Variants in SLC41A2 observed in about 807,000 individuals in gnomAD.
SLC41A2 encodes the protein solute carrier family 41 member 2.
A neutral mutation model predicts 58.3 loss-of-function variants in SLC41A2; 32 were observed. The ratio of observed to expected loss-of-function variants is 0.55; its 90% CI spans 0.41 to 0.74. SLC41A2 has a LOEUF of 0.74. SLC41A2 is among the 30% of genes least tolerant of loss of function. SLC41A2 has a pLI of 0.00. For missense variants in SLC41A2, 514 were observed against 680.6 expected, an observed-to-expected ratio of 0.76 and a Z score of 2.72; for synonymous variants, 190 against 235.0, an observed-to-expected ratio of 0.81 and a Z score of 1.75.
At position 104,881,303 on chromosome 12, in the gene SLC41A2, T is replaced by C. The variant is rs148705426; in HGVS notation, c.1027+4990A>G. Among the ~76,000 whole-genome samples the C allele has an allele frequency of 2.6e-5, 4 of 152,254 alleles. No individual in the cohort carries two copies. The East Asian group carries it at 7.7e-4, about 29-fold the overall frequency. On this transcript the variant is annotated intron_variant, in intron 6 of 10. Transcript: ENST00000258538. ...ATTGATTTTTTGAAGGGTTCTTTTG[T>C]GTCTCTATCTCCTTCAGTTCTGCTC...
At chr12:104,889,652 T>C (rs185557194) in intron 4 of SLC41A2, among the ~76,000 whole-genome samples, 44 of 152,338 alleles carry the variant, frequency 2.9e-4, no homozygotes, top group Non-Finnish European at 4.7e-4. Flanking sequence ...GATTCTACTA[T>C]GTATAATGTG....
intron 10 of SLC41A2, among the ~76,000 whole-genome samples, chr12:104,826,087 G>T (rs1260635723): frequency 1.3e-5 from 2 of 152,128 alleles, no homozygotes; most frequent in East Asian, 3.9e-4. Flanking sequence ...AGAGGGAAGG[G>T]AAATGAGGGA....
chr12:104,836,433 G>A (rs958023045), intron 10 of SLC41A2, among the ~76,000 whole-genome samples: 13 of 152,166 alleles, frequency 8.5e-5, no homozygotes, highest in African/African-American at 3.1e-4. Context: ...TTCCAAGAGG[G>A]GAACTGTTAG....
chr12:104,909,731 ACTT>A lies in SLC41A2; in HGVS notation c.584_586del (p.Glu195del), dbSNP rs1268461743. Reference sequence around the variant, plus strand: ...AAGAAGTGCAGGGACTAAAATGAAAACTTCTGTAACTTTTCTGAACACCTCCCA... The same window carrying A: ...AAGAAGTGCAGGGACTAAAATGAAAACTGTAACTTTTCTGAACACCTCCCA... On this transcript the variant is annotated inframe_deletion, in exon 3 of 11. Transcript: ENST00000258538. 1.2e-6 allele frequency: 2 copies of A among 1,609,042 alleles called. No homozygotes were observed. Among genetic ancestry groups the A allele is most frequent in the Admixed American group, 1.7e-5 (1 of 58,560 alleles).
chr12:104,826,613 T>C (rs1169287960), intron 10 of SLC41A2, among the ~76,000 whole-genome samples: 1 of 152,082 alleles, frequency 6.6e-6, no homozygotes, highest in African/African-American at 2.4e-5. Flanking sequence ...AAATCATCAC[T>C]CTAAACAAGC....
intron 10 of SLC41A2, among the ~76,000 whole-genome samples, chr12:104,835,339 T>C (rs1037428280): frequency 3.3e-5 from 5 of 152,204 alleles, no homozygotes; most frequent in Admixed American, 1.3e-4. Flanking sequence ...CACCACTCTA[T>C]AGAATAAACT....
At position 104,922,312 on chromosome 12, in the gene SLC41A2, A is replaced by C. The variant is rs557671078; in HGVS notation, c.555+5661T>G. The stretch of plus-strand genomic sequence containing the variant: ...AAAGACACACCTAGACTGGAGGTGA[A>C]GCAGTAGAAAAATATATTCCATGCA... On this transcript the variant is annotated intron_variant, in intron 2 of 10. Coordinates refer to ENST00000258538, the MANE Select transcript of SLC41A2 (RefSeq NM_001352171.3). Among the ~76,000 whole-genome samples, 50 of 152,340 alleles carry C rather than the reference A, an allele frequency of 3.3e-4. 1 individual carries two copies. In the South Asian group the frequency reaches 9.9e-3, roughly 30 times the overall value.
intron 8 of SLC41A2, among the ~76,000 whole-genome samples, chr12:104,853,918 T>TTA (rs2042912902): frequency 7.5e-6 from 1 of 133,052 alleles, no homozygotes; most frequent in Non-Finnish European, 1.6e-5. Flanking sequence ...CTGATTTTTT[T>TTA]TTTTTTTTTT....
chr12:104,840,154 A>C (rs2042360238), intron 10 of SLC41A2, among the ~76,000 whole-genome samples: 2 of 152,220 alleles, frequency 1.3e-5, no homozygotes, highest in African/African-American at 2.4e-5. Context: ...TTACATCTTA[A>C]AAGGAAGGCC....
chr12:104,891,092 T>C lies in SLC41A2; in HGVS notation c.736-1915A>G, dbSNP rs942597479. Reference sequence around the variant, plus strand: ...CTCCCCCAACCATTACCCCCACCGCTCCATCTTCTTTTCTTCTCACTTTTG... The same window carrying C: ...CTCCCCCAACCATTACCCCCACCGCCCCATCTTCTTTTCTTCTCACTTTTG... On this transcript the variant is annotated intron_variant, in intron 4 of 10. Coordinates refer to ENST00000258538, the MANE Select transcript of SLC41A2 (RefSeq NM_001352171.3). Among the ~76,000 whole-genome samples the C allele has an allele frequency of 6.6e-5, 10 of 152,240 alleles. No individual in the cohort carries two copies. In the East Asian group the frequency reaches 1.9e-3, roughly 29 times the overall value.
chr12:104,923,312 T>C (rs1185045215), intron 2 of SLC41A2, among the ~76,000 whole-genome samples: 1 of 144,222 alleles, frequency 6.9e-6, no homozygotes, highest in African/African-American at 2.6e-5. Context: ...AAGTGAGCCG[T>C]GATCGTGCCA....
At chr12:104,900,499 T>C (rs1333337345) in intron 3 of SLC41A2, among the ~76,000 whole-genome samples, 1 of 152,194 alleles carries the variant, frequency 6.6e-6, no homozygotes, top group East Asian at 1.9e-4. Context: ...AATTGTAGAC[T>C]TTGAAGTTGC....
chr12:104,834,874 G>T (rs1488629207), intron 10 of SLC41A2, among the ~76,000 whole-genome samples: 1 of 152,132 alleles, frequency 6.6e-6, no homozygotes, highest in African/African-American at 2.4e-5. Context: ...GTTATCCTGG[G>T]ATTCCAATTA....
At chr12:104,919,407 G>GT (rs1285849860) in intron 2 of SLC41A2, among the ~76,000 whole-genome samples, 2 of 152,114 alleles carry the variant, frequency 1.3e-5, no homozygotes, top group East Asian at 1.9e-4. Flanking sequence ...TTTAGGGTTT[G>GT]TTTTTTTACA....
intron 3 of SLC41A2, among the ~76,000 whole-genome samples, chr12:104,897,408 G>A (rs1472054932): frequency 1.3e-5 from 2 of 151,774 alleles, no homozygotes; most frequent in Admixed American, 6.6e-5. Context: ...GCCTCCCAAA[G>A]TGCTGGGATT....
At chr12:104,853,911 A>ATTATTATTTT in intron 8 of SLC41A2, among the ~76,000 whole-genome samples, 9 of 59,492 alleles carry the variant, frequency 1.5e-4, no homozygotes, top group Admixed American at 2.2e-4. Flanking sequence ...TGCCTGGCTG[A>ATTATTATTTT]TTTTTTTTTT....
chr12:104,812,112 A>G (rs1464839590), intron 10 of SLC41A2, among the ~76,000 whole-genome samples: 3 of 152,276 alleles, frequency 2.0e-5, no homozygotes, highest in Admixed American at 1.3e-4. Context: ...TTCTGAGAAC[A>G]GTGGCAGGCA....
At chr12:104,853,376 C>G (rs140769282) in intron 8 of SLC41A2, among the ~76,000 whole-genome samples, 232 of 152,270 alleles carry the variant, frequency 1.5e-3, no homozygotes, top group Middle Eastern at 0.01. Context: ...CCTGTTTTCT[C>G]CATCTCTATG....
intron 10 of SLC41A2, among the ~76,000 whole-genome samples, chr12:104,820,672 G>A (rs935454223): frequency 4.6e-5 from 7 of 151,260 alleles, no homozygotes; most frequent in African/African-American, 7.3e-5. Context: ...ACAGAGTTTC[G>A]CTCTTGTCGC....
Sources: allele counts gnomAD v4.1 joint callset (sites outside exome capture counted in the v4.1 genomes callset), GRCh38; gene constraint gnomAD v4.1.1; transcripts MANE v1.5; gene names NCBI Gene and HGNC (gene_info 2026-07-23, HGNC 2026-07-21).